Variants in GPR107 observed in about 807,000 individuals in gnomAD.
GPR107 encodes the protein protein GPR107.
In GPR107, 31 loss-of-function variants were observed where a neutral mutation model predicts 75.5. That is an observed-to-expected ratio of 0.41 (90% CI 0.31 to 0.55). The LOEUF is 0.55. Among genes scored for constraint, GPR107 ranks in the 20% least tolerant of loss-of-function variants. The pLI is 0.26. For synonymous variants in GPR107, 267 were observed against 251.3 expected, an observed-to-expected ratio of 1.06 and a Z score of -0.59; for missense variants, 572 against 665.7, an observed-to-expected ratio of 0.86 and a Z score of 1.55.
chr9:130,109,191 G>T (rs1831235081), intron 14 of GPR107, among the ~76,000 whole-genome samples: 1 of 151,602 alleles, frequency 6.6e-6, no homozygotes, highest in Admixed American at 6.6e-5. Flanking sequence ...TCTTTTTTAA[G>T]ACAGAGCTTT....
At chr9:130,134,466 C>T (rs1408138203) in intron 17 of GPR107, among the ~76,000 whole-genome samples, 2 of 152,240 alleles carry the variant, frequency 1.3e-5, no homozygotes, top group South Asian at 4.1e-4. Flanking sequence ...CGCTGAGGCA[C>T]AGCCACATGG....
chr9:130,076,506 C>T (rs768868418), intron 3 of GPR107, 44 bp downstream of exon 3: 1 of 1,227,406 alleles, frequency 8.1e-7, no homozygotes, highest in African/African-American at 1.5e-5. Flanking sequence ...TCACCTGAGC[C>T]CAGGCCATTG....
chr9:130,097,032 C>G (rs1194942634), intron 9 of GPR107, among the ~76,000 whole-genome samples: 1 of 152,218 alleles, frequency 6.6e-6, no homozygotes, highest in Non-Finnish European at 1.5e-5. Flanking sequence ...GCTACCTCAG[C>G]CAGTGCTGGC....
chr9:130,072,345 G>T (rs569334018), intron 1 of GPR107, among the ~76,000 whole-genome samples: 3 of 151,590 alleles, frequency 2.0e-5, no homozygotes, highest in African/African-American at 4.8e-5. Flanking sequence ...TCAGCCTCCC[G>T]AGTAGCTGGG....
chr9:130,084,966 G>A lies in GPR107; in HGVS notation c.564+1364G>A, dbSNP rs537373537. ...AGGGAGGGGAGGAAGAATGCCATAC[G>A]CAAAGACTGGATGATGACAAATGCT... On this transcript the variant is annotated intron_variant, in intron 6 of 17. Transcript: ENST00000347136. Among the ~76,000 whole-genome samples, 5 of 152,200 alleles carry A rather than the reference G, an allele frequency of 3.3e-5. No homozygotes were observed. In the East Asian group the frequency reaches 5.8e-4, roughly 18 times the overall value.
intron 17 of GPR107, among the ~76,000 whole-genome samples, chr9:130,132,269 A>C (rs1188252853): frequency 6.6e-6 from 1 of 151,894 alleles, no homozygotes; most frequent in Non-Finnish European, 1.5e-5. Context: ...TCCTGGCCGC[A>C]CCCCTGGAGA....
In GPR107 at chr9:130,097,461, T is replaced by C. The variant is rs978259774; in HGVS notation, c.864-1996T>C. On this transcript the variant is annotated intron_variant, in intron 9 of 17. Coordinates refer to ENST00000347136, the MANE Select transcript of GPR107 (RefSeq NM_020960.5). Reference sequence around the variant, plus strand: ...TGAGCCACTGCGCCCAGCCATCAGTTAATTTCGTTAAGGGCCAGATTGCCT... The same window carrying C: ...TGAGCCACTGCGCCCAGCCATCAGTCAATTTCGTTAAGGGCCAGATTGCCT... 6.6e-5 allele frequency among the ~76,000 whole-genome samples: 10 copies of C among 152,090 alleles called. No homozygotes were observed. The East Asian group carries it at 1.9e-3, about 30-fold the overall frequency.
intron 6 of GPR107, among the ~76,000 whole-genome samples, chr9:130,084,734 C>T (rs1244685070): frequency 6.6e-6 from 1 of 151,640 alleles, no homozygotes; most frequent in Non-Finnish European, 1.5e-5. Context: ...TATGATTGTG[C>T]CACTTCACTC....
At chr9:130,056,337 A>G (rs1176812332) in intron 1 of GPR107, among the ~76,000 whole-genome samples, 3 of 4,674 alleles carry the variant, frequency 6.4e-4, no homozygotes, top group African/African-American at 2.3e-3. Flanking sequence ...CTGTAATCCC[A>G]GCTACTCGGG....
At position 130,125,090 on chromosome 9, in the gene GPR107, C is replaced by CTTTTT. The variant is rs11461385; in HGVS notation, c.1356+145_1356+149dup. 9.0e-3 allele frequency: 1,409 copies of CTTTTT among 157,226 alleles called. 23 individuals carry two copies. The highest frequency in any genetic ancestry group is 0.015 in the South Asian group (232 of 15,566). 9.7% of individuals were successfully genotyped at this position (157,226 alleles called of 1,614,324 possible). On this transcript the variant is annotated intron_variant, in intron 15 of 17. Coordinates refer to ENST00000347136, the MANE Select transcript of GPR107 (RefSeq NM_020960.5). ...ACCTGGAGCTGAGCAGTGTGGCTTGCTTTTTTTTTTTTTTTTTTTTTTTCT... is the reference window on the plus strand; with the variant it reads ...ACCTGGAGCTGAGCAGTGTGGCTTGCTTTTTTTTTTTTTTTTTTTTTTTTTTTTCT...
intron 14 of GPR107, among the ~76,000 whole-genome samples, chr9:130,117,741 G>A (rs552083060): frequency 5.3e-5 from 8 of 149,980 alleles, no homozygotes; most frequent in Non-Finnish European, 1.2e-4. Flanking sequence ...CAGAGAGGAA[G>A]CAGGCAACAA....
At chr9:130,088,229 C>T (rs1006584578) in intron 7 of GPR107, among the ~76,000 whole-genome samples, 4 of 152,168 alleles carry the variant, frequency 2.6e-5, no homozygotes, top group African/African-American at 9.7e-5. Context: ...TGTTCACACT[C>T]TGCTCTCCCA....
chr9:130,098,547 C>A (rs949247930), intron 9 of GPR107, among the ~76,000 whole-genome samples: 1 of 152,114 alleles, frequency 6.6e-6, no homozygotes, highest in Non-Finnish European at 1.5e-5. Flanking sequence ...GGGTGGTTTC[C>A]GGGAACAAGC....
intron 14 of GPR107, among the ~76,000 whole-genome samples, chr9:130,117,049 C>T (rs149757668): frequency 0.014 from 2,149 of 151,656 alleles, 35 homozygotes; most frequent in African/African-American, 0.039. Context: ...TGGGTTCAAG[C>T]GATTCTCCTG....
chr9:130,123,530 C>CTT (rs57730952), intron 14 of GPR107, among the ~76,000 whole-genome samples: 3 of 127,140 alleles, frequency 2.4e-5, no homozygotes, highest in Non-Finnish European at 3.3e-5. Flanking sequence ...CTTTTCTTTT[C>CTT]TTTTTTTTTT....
intron 15 of GPR107, among the ~76,000 whole-genome samples, chr9:130,125,361 G>A (rs113526445): frequency 0.042 from 6,263 of 150,204 alleles, 437 homozygotes; most frequent in African/African-American, 0.14. Context: ...GGATTACAGC[G>A]TGAGTCACTG....
chr9:130,097,996 A>G (rs1830920473), intron 9 of GPR107, among the ~76,000 whole-genome samples: 1 of 151,794 alleles, frequency 6.6e-6, no homozygotes, highest in South Asian at 2.1e-4. Flanking sequence ...ATCCTCCCAC[A>G]TCAGCCTCCC....
At chr9:130,094,524 G>C (rs1564671994) in intron 9 of GPR107, among the ~76,000 whole-genome samples, 1 of 152,112 alleles carries the variant, frequency 6.6e-6, no homozygotes, top group Non-Finnish European at 1.5e-5. Context: ...AGTGAACTAT[G>C]TTTGTGCCAC....
chr9:130,104,814 A>G (rs988432495), intron 13 of GPR107, among the ~76,000 whole-genome samples: 1 of 152,216 alleles, frequency 6.6e-6, no homozygotes, highest in Non-Finnish European at 1.5e-5. Context: ...GAATTGGGAA[A>G]TGAGAACTTG....
Sources: allele counts gnomAD v4.1 joint callset (sites outside exome capture counted in the v4.1 genomes callset), GRCh38; gene constraint gnomAD v4.1.1; transcripts MANE v1.5; gene names NCBI Gene and HGNC (gene_info 2026-07-23, HGNC 2026-07-21).